PIK3C2A: variants seen among roughly 807,000 people sequenced by gnomAD.
PIK3C2A encodes phosphatidylinositol-4-phosphate 3-kinase catalytic subunit type 2 alpha.
In PIK3C2A, 97 loss-of-function variants were observed where a neutral mutation model predicts 204.5. The ratio of observed to expected loss-of-function variants is 0.47; its 90% CI spans 0.40 to 0.56. The LOEUF (loss-of-function observed/expected upper bound fraction) is 0.56. Ranked by LOEUF, PIK3C2A falls within the 20% of genes least tolerant of loss-of-function variation. The pLI, the probability that PIK3C2A is intolerant of heterozygous loss-of-function variation, is 0.00. For missense variants in PIK3C2A, 1,735 were observed against 1,969.2 expected (o/e 0.88, Z 2.25); for synonymous variants, 653 against 664.4 (o/e 0.98, Z 0.26).
chr11:17,184,486 T>C (rs890359100), intron 1 of PIK3C2A, among the ~76,000 whole-genome samples: 1 of 152,008 alleles, frequency 6.6e-6, no homozygotes, highest in Non-Finnish European at 1.5e-5. Context: ...ATTTAAAAAA[T>C]AGAAAATAGC....
At chr11:17,134,225 G>T (rs61762012) in intron 11 of PIK3C2A, among the ~76,000 whole-genome samples, 5,787 of 151,928 alleles carry the variant, frequency 0.038, 372 homozygotes, top group African/African-American at 0.13. Context: ...TTATTTTTTT[G>T]AGACAGAGTC....
intron 28 of PIK3C2A, among the ~76,000 whole-genome samples, chr11:17,093,061 T>A (rs1400719554): frequency 6.6e-6 from 1 of 152,142 alleles, no homozygotes; most frequent in Admixed American, 6.6e-5. Context: ...CTTATTTTGG[T>A]GGCAGTGGAA....
Position 17,129,372 on chromosome 11 carries a change from G to C in PIK3C2A, c.2327C>G (p.Pro776Arg), listed in dbSNP as rs374329810. 8 of 1,613,214 alleles carry C rather than the reference G, an allele frequency of 5.0e-6. No homozygotes were observed. The highest frequency in any genetic ancestry group is 6.8e-6 in the Non-Finnish European group (8 of 1,179,328). Reference sequence around the variant, plus strand: ...TCCCTTTCTCTGCTTATTAGAATCAGGGGAACTTCCACTGCTCTGATTTAA... The same window carrying C: ...TCCCTTTCTCTGCTTATTAGAATCACGGGAACTTCCACTGCTCTGATTTAA... ...GILNQSSGSS[P>R]DSNKQRKGPE... The change falls in exon 13 of 33, where the codon CCT (proline) becomes CGT (arginine). Residue 776 changes from proline (P) to arginine (R), a missense_variant. Physicochemically the swap from Pro to Arg is moderately radical, Grantham distance 103 (BLOSUM62 -2). Around this residue, in one of 6 missense-constraint regions of PIK3C2A, gnomAD observed 567 missense variants for 576.0 expected, o/e 0.98. Transcript: ENST00000691414.
intron 3 of PIK3C2A, among the ~76,000 whole-genome samples, chr11:17,151,770 T>C (rs575795287): frequency 8.8e-4 from 134 of 152,292 alleles, no homozygotes; most frequent in Admixed American, 2.9e-3. Context: ...TGCTTTAACC[T>C]TCTTGTCAAA....
chr11:17,106,613 T>G (rs1848829288), intron 22 of PIK3C2A, among the ~76,000 whole-genome samples: 1 of 152,126 alleles, frequency 6.6e-6, no homozygotes, highest in South Asian at 2.1e-4. Flanking sequence ...TATTTATTTA[T>G]TTATTTTTAG....
rs1018992876 is a variant in PIK3C2A, at chr11:17,092,167, C to T, written c.4561G>A (p.Val1521Ile). ...TCATTTAGTAAGGTTACCTCTGCTACATCCGTTGAAGCATTCATCAAACTC... is the reference window on the plus strand; with the variant it reads ...TCATTTAGTAAGGTTACCTCTGCTATATCCGTTGAAGCATTCATCAAACTC... ...LQSLMNASTDVAECDLVCTFF... is the reference protein window; with the variant it reads ...LQSLMNASTDIAECDLVCTFF... Residue 1521 changes from valine (V) to isoleucine (I), a missense_variant, in exon 29 of 33, where the codon GTA becomes ATA. This residue lies in a region of PIK3C2A where 503 missense variants were observed against 669.0 expected (regional missense o/e 0.75). Coordinates refer to ENST00000691414, the MANE Select transcript of PIK3C2A (RefSeq NM_002645.4). The T allele has an allele frequency of 2.5e-6, 4 of 1,574,880 alleles. No homozygotes were observed. The highest frequency in any genetic ancestry group is 2.7e-5 in the African/African-American group (2 of 74,168).
At chr11:17,132,072 T>C (rs763237089) in intron 11 of PIK3C2A, 34 bp from the exon 12 acceptor site, 2 of 1,287,168 alleles carry the variant, frequency 1.6e-6, no homozygotes, top group African/African-American at 1.5e-5. Flanking sequence ...ATTTCTATCA[T>C]GATAATACAA....
intron 13 of PIK3C2A, among the ~76,000 whole-genome samples, chr11:17,129,032 G>A (rs186978300): frequency 1.1e-3 from 162 of 152,294 alleles, no homozygotes; most frequent in African/African-American, 3.7e-3. Flanking sequence ...TTATATAAAC[G>A]ACAGTCATTG....
intron 1 of PIK3C2A, among the ~76,000 whole-genome samples, chr11:17,199,787 T>A (rs1265369999): frequency 6.6e-6 from 1 of 151,322 alleles, no homozygotes; most frequent in Non-Finnish European, 1.5e-5. Flanking sequence ...TAGCTGGGCG[T>A]GGTGGTACAT....
At chr11:17,165,686 A>T (rs1850919480) in intron 2 of PIK3C2A, among the ~76,000 whole-genome samples, 1 of 150,338 alleles carries the variant, frequency 6.7e-6, no homozygotes, top group African/African-American at 2.4e-5. Flanking sequence ...GAGGCAATAG[A>T]ATCGCTTGAA....
At chr11:17,144,227 GT>G in intron 8 of PIK3C2A, among the ~76,000 whole-genome samples, 1 of 152,082 alleles carries the variant, frequency 6.6e-6, no homozygotes, top group African/African-American at 2.4e-5. Context: ...CTTGCTAACT[GT>G]GTAAGACTTG....
chr11:17,128,244 TTAA>T (rs1199248005), intron 13 of PIK3C2A, among the ~76,000 whole-genome samples: 1 of 151,580 alleles, frequency 6.6e-6, no homozygotes, highest in Non-Finnish European at 1.5e-5. Context: ...CTTTTTTTTT[TTAA>T]TTTTTCTTTT....
chr11:17,119,924 A>C lies in PIK3C2A; in HGVS notation c.2708T>G (p.Phe903Cys). 1 of 1,608,726 alleles carries C rather than the reference A, an allele frequency of 6.2e-7. No individual in the cohort carries two copies. The highest frequency in any genetic ancestry group is 1.1e-5 in the South Asian group (1 of 90,520). The change falls in exon 16 of 33, where the codon TTC (phenylalanine) becomes TGC (cysteine). Residue 903 changes from phenylalanine (F) to cysteine (C), a missense_variant. Phe to Cys is a radical substitution (Grantham distance 205, BLOSUM62 -2). Coordinates refer to ENST00000691414, the MANE Select transcript of PIK3C2A (RefSeq NM_002645.4). ...TTTAGGAAGACAATTTGGGTGTTTG[A>C]AGCAATAATAACGTTTCTCCCATAA... The part of the protein sequence containing the change: ...AFLWEKRYYC[F>C]KHPNCLPKIL...
rs778433061 is a variant in PIK3C2A, at chr11:17,168,664, G to A, written c.1065+13C>T. ...TATACTAAGTTTGAGAAGTTAGTAA[G>A]AAAAGACTATACCTGAGATATATGG... On this transcript the variant is annotated intron_variant, in intron 2 of 32. Transcript: ENST00000691414. 2.0e-6 allele frequency: 3 copies of A among 1,466,172 alleles called. No homozygotes were observed. The highest frequency in any genetic ancestry group is 2.8e-6 in the Non-Finnish European group (3 of 1,082,128). 90.8% of individuals were successfully genotyped at this position (1,466,172 alleles called of 1,614,324 possible). A position where few individuals can be genotyped will look rare whatever the true frequency, so the allele number is the denominator to read the frequency against.
At chr11:17,173,505 A>C (rs188420973) in intron 1 of PIK3C2A, among the ~76,000 whole-genome samples, 5 of 152,346 alleles carry the variant, frequency 3.3e-5, no homozygotes, top group East Asian at 3.9e-4. Context: ...AAAACGAAGA[A>C]AGACAGATTC....
intron 6 of PIK3C2A, among the ~76,000 whole-genome samples, chr11:17,146,596 C>T (rs1850252238): frequency 6.6e-6 from 1 of 151,834 alleles, no homozygotes; most frequent in African/African-American, 2.4e-5. Flanking sequence ...TGGTGCATGC[C>T]CGCAGTTCCA....
Position 17,148,722 on chromosome 11 carries a change from C to G in PIK3C2A, c.1393G>C (p.Val465Leu). The G allele has an allele frequency of 1.9e-6, 3 of 1,613,266 alleles. No individual in the cohort carries two copies. The highest frequency in any genetic ancestry group is 2.5e-6 in the Non-Finnish European group (3 of 1,179,448). The change falls in exon 5 of 33, where the codon GTA becomes CTA. Residue 465 changes from valine (V) to leucine (L), a missense_variant. Around this residue, in one of 6 missense-constraint regions of PIK3C2A, gnomAD observed 536 missense variants for 546.7 expected, o/e 0.98. Coordinates refer to ENST00000691414, the MANE Select transcript of PIK3C2A (RefSeq NM_002645.4). ...LCWVHDDLNQ[V>L]DVGSYVLKVC... ...TTTAGAACATAGCTGCCAACATCTACTTGATTCAAGTCATCATGTACCCAG... is the reference window on the plus strand; with the variant it reads ...TTTAGAACATAGCTGCCAACATCTAGTTGATTCAAGTCATCATGTACCCAG...
chr11:17,175,733 C>G (rs1446687867), intron 1 of PIK3C2A, among the ~76,000 whole-genome samples: 2 of 152,106 alleles, frequency 1.3e-5, no homozygotes, highest in African/African-American at 2.4e-5. Flanking sequence ...GTTTAGACAC[C>G]ATTTGCATAT....
chr11:17,201,557 A>G (rs963166841), intron 1 of PIK3C2A, among the ~76,000 whole-genome samples: 2 of 150,502 alleles, frequency 1.3e-5, no homozygotes, highest in African/African-American at 4.9e-5. Context: ...AAAAGAAAAA[A>G]AAAAAGAAAA....
Sources: allele counts gnomAD v4.1 joint callset (sites outside exome capture counted in the v4.1 genomes callset), GRCh38; gene constraint gnomAD v4.1.1; regional missense constraint gnomAD v4.1.1; transcripts MANE v1.5; gene names NCBI Gene and HGNC (gene_info 2026-07-23, HGNC 2026-07-21).